Variants in DNM3 observed in about 807,000 individuals in gnomAD.
DNM3 encodes the protein dynamin 3.
A neutral mutation model predicts 101.6 loss-of-function variants in DNM3; 47 were observed. The ratio of observed to expected loss-of-function variants is 0.46; its 90% CI spans 0.37 to 0.59. DNM3 has a LOEUF of 0.59. Ranked by LOEUF, DNM3 falls within the 20% of genes least tolerant of loss-of-function variation. DNM3 has a pLI of 0.00. For missense variants in DNM3, 849 were observed against 1,085.7 expected (o/e 0.78, Z 3.06); for synonymous variants, 385 against 387.9 (o/e 0.99, Z 0.09).
Position 172,408,668 on chromosome 1 carries a change from T to C in DNM3, c.*827T>C. ...TGGTAGGTTATATTGAAGGCTGACA[T>C]GGAGAATGTTTACTTTTCTATTTGG... On this transcript the variant is annotated 3_prime_UTR_variant, in exon 21 of 21. Transcript: ENST00000627582. 1.0e-6 allele frequency: 1 copy of C among 984,986 alleles called. No individual in the cohort carries two copies. Among genetic ancestry groups the C allele is most frequent in the Non-Finnish European group, 1.2e-6 (1 of 829,552 alleles). The allele number at this position is 984,986 out of a possible 1,614,324, so 61.0% of individuals were successfully genotyped here. A position where few individuals can be genotyped will look rare whatever the true frequency, so the allele number is the denominator to read the frequency against.
chr1:172,024,285 A>G (rs1335377974), intron 4 of DNM3, among the ~76,000 whole-genome samples: 1 of 152,212 alleles, frequency 6.6e-6, no homozygotes, highest in African/African-American at 2.4e-5. Context: ...ACCATGTAAA[A>G]AAACTGTTAA....
chr1:172,179,946 TG>T (rs1454776917), intron 14 of DNM3, among the ~76,000 whole-genome samples: 1 of 151,982 alleles, frequency 6.6e-6, no homozygotes, highest in Non-Finnish European at 1.5e-5. Context: ...TAAGCTCAGG[TG>T]GTGAAAATCA....
In DNM3 at chr1:171,870,271, G is replaced by A. The variant is rs540932541; in HGVS notation, c.161+28454G>A. Among the ~76,000 whole-genome samples, 13 of 152,154 alleles carry A rather than the reference G, an allele frequency of 8.5e-5. No individual in the cohort carries two copies. In the East Asian group the frequency reaches 2.5e-3, roughly 29 times the overall value. ...ATTGGGGTAACATATGATTTTTATAGACTCTCACTCTGTTCTCATTAAGAA... is the reference window on the plus strand; with the variant it reads ...ATTGGGGTAACATATGATTTTTATAAACTCTCACTCTGTTCTCATTAAGAA... On this transcript the variant is annotated intron_variant, in intron 1 of 20. Coordinates refer to ENST00000627582, the MANE Select transcript of DNM3 (RefSeq NM_015569.5).
chr1:172,324,574 T>C (rs185714371), intron 17 of DNM3, among the ~76,000 whole-genome samples: 45 of 152,310 alleles, frequency 3.0e-4, no homozygotes, highest in African/African-American at 9.6e-4. Context: ...ACTTATAGTA[T>C]GATTTTTAAA....
At chr1:172,299,618 A>G (rs576390107) in intron 15 of DNM3, among the ~76,000 whole-genome samples, 1 of 152,202 alleles carries the variant, frequency 6.6e-6, no homozygotes, top group East Asian at 1.9e-4. Context: ...CCCACTTATA[A>G]GTGAGAACAT....
At chr1:171,970,504 A>G (rs909883500) in intron 2 of DNM3, among the ~76,000 whole-genome samples, 7 of 152,126 alleles carry the variant, frequency 4.6e-5, no homozygotes, top group Admixed American at 4.6e-4. Context: ...AAGAATAAGT[A>G]TATAAAATGT....
At chr1:172,332,188 T>TAAG (rs1232539469) in intron 17 of DNM3, among the ~76,000 whole-genome samples, 2 of 152,146 alleles carry the variant, frequency 1.3e-5, no homozygotes, top group African/African-American at 4.8e-5. Flanking sequence ...CAGGATAGAG[T>TAAG]AAGTTACAAT....
At chr1:172,156,925 A>T (rs1236121174) in intron 14 of DNM3, among the ~76,000 whole-genome samples, 1 of 152,068 alleles carries the variant, frequency 6.6e-6, no homozygotes, top group East Asian at 1.9e-4. Flanking sequence ...CATCTGCAAA[A>T]TTGGGAGTAA....
At chr1:172,163,651 C>A (rs2058634589) in intron 14 of DNM3, among the ~76,000 whole-genome samples, 6 of 151,926 alleles carry the variant, frequency 3.9e-5, no homozygotes, top group Admixed American at 3.9e-4. Context: ...TCCACCACCC[C>A]CAGGCCTCTG....
At chr1:172,347,848 T>C (rs2067016338) in intron 17 of DNM3, among the ~76,000 whole-genome samples, 3 of 152,168 alleles carry the variant, frequency 2.0e-5, no homozygotes, top group Non-Finnish European at 2.9e-5. Context: ...GGCAAATTAG[T>C]AAATTGTAGT....
chr1:172,315,223 C>A (rs57666409), intron 16 of DNM3, among the ~76,000 whole-genome samples: 5,760 of 152,206 alleles, frequency 0.038, 339 homozygotes, highest in African/African-American at 0.12. Flanking sequence ...AGGACATCCA[C>A]ACCAAAAACC....
At chr1:172,305,790 T>C (rs1402864353) in intron 15 of DNM3, among the ~76,000 whole-genome samples, 1 of 152,214 alleles carries the variant, frequency 6.6e-6, no homozygotes, top group Non-Finnish European at 1.5e-5. Flanking sequence ...ACCACATGAT[T>C]ATCTCAATAG....
chr1:172,112,772 G>T (rs1042836495), intron 13 of DNM3, among the ~76,000 whole-genome samples: 1 of 152,158 alleles, frequency 6.6e-6, no homozygotes, highest in African/African-American at 2.4e-5. Flanking sequence ...AGGTTGAGTC[G>T]CTCTATGCCT....
intron 1 of DNM3, among the ~76,000 whole-genome samples, chr1:171,892,822 ATGC>A (rs2037412718): frequency 6.6e-6 from 1 of 152,076 alleles, no homozygotes; most frequent in African/African-American, 2.4e-5. Context: ...CCTAAGGCGC[ATGC>A]AACCTAGATC....
Position 171,891,202 on chromosome 1 carries a change from G to T in DNM3, c.162-30546G>T, listed in dbSNP as rs556423781. Among the ~76,000 whole-genome samples, 2 of 152,070 alleles carry T rather than the reference G, an allele frequency of 1.3e-5. 1 individual carries two copies. Among genetic ancestry groups the T allele is most frequent in the African/African-American group, 4.8e-5 (2 of 41,416 alleles). The stretch of plus-strand genomic sequence containing the variant: ...GAAGGAGGCAGGTGATGCAAATTAC[G>T]GCATTAGAGATGGGGCTGCAGGTAT... On this transcript the variant is annotated intron_variant, in intron 1 of 20. Coordinates refer to ENST00000627582, the MANE Select transcript of DNM3 (RefSeq NM_015569.5).
At chr1:172,304,328 T>C (rs531821938) in intron 15 of DNM3, among the ~76,000 whole-genome samples, 2 of 150,942 alleles carry the variant, frequency 1.3e-5, no homozygotes, top group Admixed American at 1.3e-4. Flanking sequence ...ATTCAACAAG[T>C]AGAGCTAACT....
At chr1:172,093,696 G>A in intron 13 of DNM3, 1 of 1,605,548 alleles carries the variant, frequency 6.2e-7, no homozygotes, top group Non-Finnish European at 8.5e-7. Context: ...GCTATTTCAG[G>A]GAACCAATCT....
At chr1:171,921,921 G>A (rs2040203588) in intron 2 of DNM3, 100 bp downstream of exon 2, 1 of 1,013,246 alleles carries the variant, frequency 9.9e-7, no homozygotes, top group South Asian at 1.5e-5. Context: ...TTTTGTGATC[G>A]CCCCACTGTG....
At chr1:172,414,794 C>T (rs1450385014), downstream of DNM3, among the ~76,000 whole-genome samples, 1 of 130,652 alleles carries the variant, frequency 7.7e-6, no homozygotes, top group East Asian at 2.2e-4. Flanking sequence ...ATTAGCTGGG[C>T]ATGGTGGCTC....
Sources: gnomAD v4.1 joint callset for allele counts (sites outside exome capture counted in the v4.1 genomes callset) on GRCh38, gnomAD v4.1.1 for gene constraint, MANE v1.5 for transcripts, NCBI Gene and HGNC (gene_info 2026-07-23, HGNC 2026-07-21) for gene names.